CDKAL1: variants seen among roughly 807,000 people sequenced by gnomAD.
The protein encoded by CDKAL1 is CDKAL1 threonylcarbamoyladenosine tRNA methylthiotransferase.
In CDKAL1, 32 loss-of-function variants were observed where a neutral mutation model predicts 68.2. That is an observed-to-expected ratio of 0.47 (90% CI 0.35 to 0.63). The LOEUF (loss-of-function observed/expected upper bound fraction) is 0.63, where lower values mean the gene tolerates loss of function less well. CDKAL1 is among the 30% of genes least tolerant of loss of function. CDKAL1 has a pLI of 0.00. For missense variants in CDKAL1, 606 were observed against 696.7 expected, an observed-to-expected ratio of 0.87 and a Z score of 1.47; for synonymous variants, 234 against 244.3, an observed-to-expected ratio of 0.96 and a Z score of 0.39.
intron 5 of CDKAL1, among the ~76,000 whole-genome samples, chr6:20,692,204 A>G (rs1192867608): frequency 1.3e-5 from 2 of 152,248 alleles, no homozygotes; most frequent in Non-Finnish European, 2.9e-5. Context: ...GTCAAGGGCA[A>G]TTCTCACTAT....
Position 21,064,167 on chromosome 6 carries a change from C to T in CDKAL1, c.1056-881C>T, listed in dbSNP as rs1029182841. Among the ~76,000 whole-genome samples, 10 of 152,286 alleles carry T rather than the reference C, an allele frequency of 6.6e-5. 1 individual carries two copies. Among genetic ancestry groups the T allele is most frequent in the South Asian group, 4.1e-4 (2 of 4,824 alleles). On this transcript the variant is annotated intron_variant, in intron 11 of 15. Transcript: ENST00000274695. ...CACACAACCAAATGTCGGTCAGTTG[C>T]GTGGCCTAAGACCACGCATGCAGAG...
chr6:20,911,756 G>T (rs1241346521), intron 9 of CDKAL1, among the ~76,000 whole-genome samples: 5 of 152,164 alleles, frequency 3.3e-5, no homozygotes, highest in African/African-American at 1.2e-4. Flanking sequence ...TTTCTCTTGT[G>T]TCTTCCCCAA....
chr6:21,001,231 C>G (rs1434935405), intron 11 of CDKAL1, among the ~76,000 whole-genome samples: 1 of 152,128 alleles, frequency 6.6e-6, no homozygotes, highest in African/African-American at 2.4e-5. Flanking sequence ...TAAGATACAA[C>G]TTTTTATTTC....
At chr6:21,223,557 AG>A (rs1779613294) in intron 15 of CDKAL1, among the ~76,000 whole-genome samples, 1 of 152,146 alleles carries the variant, frequency 6.6e-6, no homozygotes, top group Admixed American at 6.5e-5. Flanking sequence ...ATGAGAAGGA[AG>A]AGGACTTGGA....
intron 10 of CDKAL1, among the ~76,000 whole-genome samples, chr6:20,959,651 A>G (rs991488737): frequency 6.6e-6 from 1 of 151,870 alleles, no homozygotes; most frequent in Admixed American, 6.6e-5. Context: ...TGTTAATCAG[A>G]CATACTAATA....
intron 4 of CDKAL1, among the ~76,000 whole-genome samples, chr6:20,624,331 C>T (rs1767330028): frequency 6.6e-6 from 1 of 151,752 alleles, no homozygotes; most frequent in Non-Finnish European, 1.5e-5. Context: ...ATTAGCCATA[C>T]CATTCCCCAT....
At chr6:21,073,719 T>C (rs1426822082) in intron 12 of CDKAL1, among the ~76,000 whole-genome samples, 3 of 152,236 alleles carry the variant, frequency 2.0e-5, no homozygotes, top group African/African-American at 7.2e-5. Context: ...TGTTGAGTTA[T>C]AAGAGTTCTT....
intron 8 of CDKAL1, among the ~76,000 whole-genome samples, chr6:20,843,341 A>G (rs1778250454): frequency 6.6e-6 from 1 of 151,966 alleles, no homozygotes; most frequent in African/African-American, 2.4e-5. Context: ...TCCCCCTGCT[A>G]GTGTTCCTTA....
intron 11 of CDKAL1, among the ~76,000 whole-genome samples, chr6:21,022,477 G>A (rs915799291): frequency 6.6e-6 from 1 of 152,238 alleles, no homozygotes; most frequent in East Asian, 1.9e-4. Flanking sequence ...GCTAAGTGGC[G>A]GGTTGACTGC....
At chr6:20,627,438 T>C (rs1255690534) in intron 4 of CDKAL1, among the ~76,000 whole-genome samples, 4 of 152,204 alleles carry the variant, frequency 2.6e-5, no homozygotes, top group Non-Finnish European at 4.4e-5. Context: ...GCTATACTTA[T>C]TTATGATCCC....
chr6:21,204,687 A>G (rs1239108835), intron 15 of CDKAL1, among the ~76,000 whole-genome samples: 1 of 152,240 alleles, frequency 6.6e-6, no homozygotes, highest in Non-Finnish European at 1.5e-5. Context: ...CCATAATTCA[A>G]TAAATAGCTT....
At chr6:20,736,371 C>T (rs1288279846) in intron 5 of CDKAL1, among the ~76,000 whole-genome samples, 4 of 152,186 alleles carry the variant, frequency 2.6e-5, no homozygotes, top group Non-Finnish European at 4.4e-5. Context: ...CTGACCCCTA[C>T]TTTAGACTAA....
chr6:20,769,202 C>CT (rs1202283318), intron 7 of CDKAL1, among the ~76,000 whole-genome samples: 1 of 150,422 alleles, frequency 6.6e-6, no homozygotes, highest in African/African-American at 2.4e-5. Flanking sequence ...CAGGGGTGAC[C>CT]TTTAATCTAC....
At chr6:20,715,875 T>C (rs530496871) in intron 5 of CDKAL1, among the ~76,000 whole-genome samples, 1 of 152,346 alleles carries the variant, frequency 6.6e-6, no homozygotes, top group South Asian at 2.1e-4. Context: ...AACTTCGTTT[T>C]GAAAAAATTG....
chr6:20,941,903 G>A (rs1763989174), intron 9 of CDKAL1, among the ~76,000 whole-genome samples: 3 of 152,116 alleles, frequency 2.0e-5, no homozygotes, highest in African/African-American at 7.2e-5. Flanking sequence ...TTTTCCATGA[G>A]GTAGTTATTT....
At chr6:20,858,910 T>A (rs1220645150) in intron 9 of CDKAL1, among the ~76,000 whole-genome samples, 2 of 152,096 alleles carry the variant, frequency 1.3e-5, no homozygotes, top group East Asian at 3.9e-4. Context: ...GGACAAAGAG[T>A]ATATTAAACA....
chr6:21,150,101 G>T (rs537152526), intron 13 of CDKAL1, among the ~76,000 whole-genome samples: 2 of 151,952 alleles, frequency 1.3e-5, no homozygotes, highest in Admixed American at 6.6e-5. Context: ...CTTGTGATCC[G>T]CCCGCCTCGG....
intron 12 of CDKAL1, among the ~76,000 whole-genome samples, chr6:21,073,484 C>T (rs1012975584): frequency 6.6e-6 from 1 of 152,158 alleles, no homozygotes; most frequent in Non-Finnish European, 1.5e-5. Context: ...TGTTCCATAT[C>T]CTTGCCAACA....
At chr6:20,761,411 T>A (rs1159674004) in intron 7 of CDKAL1, among the ~76,000 whole-genome samples, 1 of 152,232 alleles carries the variant, frequency 6.6e-6, no homozygotes, top group Non-Finnish European at 1.5e-5. Flanking sequence ...CCAGCAGGTG[T>A]GCTACTTGAT....
Sources: allele counts gnomAD v4.1 joint callset (sites outside exome capture counted in the v4.1 genomes callset), GRCh38; gene constraint gnomAD v4.1.1; transcripts MANE v1.5; gene names NCBI Gene and HGNC (gene_info 2026-07-23, HGNC 2026-07-21).